The following ST18 variants were observed in gnomAD, a reference collection of about 807,000 sequenced individuals.
ST18 encodes suppression of tumorigenicity 18 protein.
In ST18, 50 loss-of-function variants were observed where a neutral mutation model predicts 110.0. The ratio of observed to expected loss-of-function variants is 0.45; its 90% CI spans 0.36 to 0.58. The LOEUF (loss-of-function observed/expected upper bound fraction) is 0.58, where lower values mean the gene tolerates loss of function less well. Ranked by LOEUF, ST18 falls within the 20% of genes least tolerant of loss-of-function variation. The pLI is 0.00. For missense variants in ST18, 1,306 were observed against 1,280.1 expected (o/e 1.02, Z -0.31); for synonymous variants, 461 against 452.4 (o/e 1.02, Z -0.24).
chr8:52,135,487 G>A (rs568541368), intron 19 of ST18, among the ~76,000 whole-genome samples: 9 of 150,276 alleles, frequency 6.0e-5, no homozygotes, highest in African/African-American at 2.2e-4. Context: ...TTGAACCTGG[G>A]AGGCGGAGGT....
intron 2 of ST18, among the ~76,000 whole-genome samples, chr8:52,363,117 C>T (rs1288394659): frequency 6.6e-6 from 1 of 152,098 alleles, no homozygotes; most frequent in Non-Finnish European, 1.5e-5. Context: ...GAGGCTGAGG[C>T]AGGAGAATGG....
At position 52,126,121 on chromosome 8, in the gene ST18, T is replaced by C. The variant is rs773360476; in HGVS notation, c.2686A>G (p.Asn896Asp). ...THRSLSGCPL[N>D]AQVIKKGKVS... ...TTGCCCTTTTTGATAACTTGTGCAT[T>C]GAGAGGACATCCAGATAAGCTGTGA... Residue 896 changes from asparagine (N) to aspartate (D), a missense_variant, in exon 23 of 26, where the codon AAT becomes GAT. Asn to Asp is a conservative substitution (Grantham distance 23). Coordinates refer to ENST00000689386, the MANE Select transcript of ST18 (RefSeq NM_001352837.2). 1 of 1,614,090 alleles carries C rather than the reference T, an allele frequency of 6.2e-7. No homozygotes were observed. The highest frequency in any genetic ancestry group is 8.5e-7 in the Non-Finnish European group (1 of 1,179,974).
chr8:52,154,634 T>C (rs2059590199), intron 15 of ST18: 1 of 152,172 alleles, frequency 6.6e-6, no homozygotes, highest in Admixed American at 6.5e-5. Context: ...AAAGGGGAGC[T>C]CTTTGGAGCT....
intron 2 of ST18, among the ~76,000 whole-genome samples, chr8:52,370,789 T>C (rs760191733): frequency 4.6e-5 from 7 of 152,132 alleles, no homozygotes; most frequent in Non-Finnish European, 1.0e-4. Context: ...TTGTCCTTCC[T>C]CTCTGAAGTT....
At chr8:52,268,470 TCTA>T (rs2138828708) in intron 2 of ST18, among the ~76,000 whole-genome samples, 1 of 67,962 alleles carries the variant, frequency 1.5e-5, no homozygotes, top group Non-Finnish European at 4.0e-5. Context: ...CTATCTATCA[TCTA>T]TCTATCTATC....
chr8:52,396,330 C>A (rs1841122763), intron 2 of ST18, among the ~76,000 whole-genome samples: 1 of 152,078 alleles, frequency 6.6e-6, no homozygotes, highest in Non-Finnish European at 1.5e-5. Flanking sequence ...TTTATTCTTT[C>A]TGTATGTATC....
chr8:52,139,948 T>C (rs905520837), intron 17 of ST18, among the ~76,000 whole-genome samples: 2 of 152,224 alleles, frequency 1.3e-5, no homozygotes, highest in African/African-American at 2.4e-5. Context: ...AGTTGGGTGA[T>C]ACATTTGTTT....
intron 2 of ST18, among the ~76,000 whole-genome samples, chr8:52,313,730 C>T (rs2095967542): frequency 6.6e-6 from 1 of 152,122 alleles, no homozygotes; most frequent in Non-Finnish European, 1.5e-5. Context: ...TGGGTAAGCA[C>T]TGAGACCAGC....
At chr8:52,310,569 C>G (rs990371109) in intron 2 of ST18, among the ~76,000 whole-genome samples, 2 of 151,942 alleles carry the variant, frequency 1.3e-5, no homozygotes, top group African/African-American at 4.8e-5. Context: ...AAATGCTGAA[C>G]AAAGAAATTT....
intron 2 of ST18, among the ~76,000 whole-genome samples, chr8:52,302,134 G>A (rs1589739227): frequency 6.6e-6 from 1 of 152,240 alleles, no homozygotes; most frequent in African/African-American, 2.4e-5. Context: ...AGAGGTTTGG[G>A]AGCGATGGGG....
At position 52,111,050 on chromosome 8, in the gene ST18, C is replaced by T; in HGVS notation, c.*2148G>A. ...AACATAGTTGAAAAGAAAACAAATT[C>T]AGTGCACATTACAAAACACATCAAG... is the stretch of plus-strand genomic sequence containing the variant. On this transcript the variant is annotated 3_prime_UTR_variant, in exon 26 of 26. Coordinates refer to ENST00000689386, the MANE Select transcript of ST18 (RefSeq NM_001352837.2). 2.5e-6 allele frequency: 1 copy of T among 398,636 alleles called. No homozygotes were observed. Among genetic ancestry groups the T allele is most frequent in the Non-Finnish European group, 4.4e-6 (1 of 225,878 alleles). 24.7% of individuals were successfully genotyped at this position (398,636 alleles called of 1,614,324 possible). A position where few individuals can be genotyped will look rare whatever the true frequency, so the allele number is the denominator to read the frequency against.
At position 52,162,880 on chromosome 8, in the gene ST18, T is replaced by G. The variant is rs557955780; in HGVS notation, c.1400+1106A>C. Among the ~76,000 whole-genome samples, 5 of 152,058 alleles carry G rather than the reference T, an allele frequency of 3.3e-5. No individual in the cohort carries two copies. The South Asian group carries it at 1.0e-3, about 32-fold the overall frequency. The stretch of plus-strand genomic sequence containing the variant: ...TCAGAATGCCAAAGTTTCCAATGAG[T>G]TTTTTTTGGATTAGATTTTACAAAA... On this transcript the variant is annotated intron_variant, in intron 13 of 25. Transcript: ENST00000689386.
chr8:52,305,254 T>C (rs1431908570), intron 2 of ST18, among the ~76,000 whole-genome samples: 3 of 152,196 alleles, frequency 2.0e-5, no homozygotes, highest in Non-Finnish European at 4.4e-5. Flanking sequence ...TGCCCTCCTT[T>C]GGAAAAAGCC....
intron 2 of ST18, among the ~76,000 whole-genome samples, chr8:52,359,077 G>C (rs548659329): frequency 2.4e-4 from 37 of 151,258 alleles, no homozygotes; most frequent in African/African-American, 8.0e-4. Context: ...CTCAATATGT[G>C]AACAATCAAT....
chr8:52,362,080 T>A (rs533247702), intron 2 of ST18, among the ~76,000 whole-genome samples: 144 of 152,326 alleles, frequency 9.5e-4, no homozygotes, highest in African/African-American at 3.3e-3. Flanking sequence ...GAGGGGGTTA[T>A]AAAATCAGCT....
intron 15 of ST18, among the ~76,000 whole-genome samples, chr8:52,152,511 C>T (rs2059071892): frequency 6.6e-6 from 1 of 152,170 alleles, no homozygotes; most frequent in South Asian, 2.1e-4. Flanking sequence ...CATGTTCTTT[C>T]CGACTTAGAG....
chr8:52,161,516 A>G lies in ST18; in HGVS notation c.1453T>C (p.Ser485Pro). The G allele has an allele frequency of 6.2e-7, 1 of 1,614,124 alleles. No individual in the cohort carries two copies. Among genetic ancestry groups the G allele is most frequent in the South Asian group, 1.1e-5 (1 of 91,074 alleles). ...TCTTTTGACACTGTGGCTCTGGGAGAGGTGATGGCTTGTGACGGGAAATTG... is the reference window on the plus strand; with the variant it reads ...TCTTTTGACACTGTGGCTCTGGGAGGGGTGATGGCTTGTGACGGGAAATTG... Reference protein sequence around the residue: ...EFNFPSQAITSPRATVSKEQE... With the variant: ...EFNFPSQAITPPRATVSKEQE... The change falls in exon 14 of 26, where the codon TCT (serine) becomes CCT (proline). Residue 485 changes from serine (S) to proline (P), a missense_variant. Physicochemically the swap from Ser to Pro is moderately conservative, Grantham distance 74 (BLOSUM62 -1). Transcript: ENST00000689386.
chr8:52,357,013 C>T lies in ST18; in HGVS notation c.-465+52315G>A, dbSNP rs147131346. On this transcript the variant is annotated intron_variant, in intron 2 of 25. Transcript: ENST00000689386. ...TGAAATAATCTGTACAACAAACCCC[C>T]ATGACACATATTTACCTATGTAACA... is the stretch of plus-strand genomic sequence containing the variant. Among the ~76,000 whole-genome samples, 14 of 152,166 alleles carry T rather than the reference C, an allele frequency of 9.2e-5. No individual in the cohort carries two copies. In the East Asian group the frequency reaches 2.3e-3, roughly 25 times the overall value.
At chr8:52,236,064 G>A (rs1400262979) in intron 2 of ST18, among the ~76,000 whole-genome samples, 1 of 152,148 alleles carries the variant, frequency 6.6e-6, no homozygotes, top group East Asian at 1.9e-4. Flanking sequence ...TTAAATAGTG[G>A]CAGTGGTGGG....
Sources: gnomAD v4.1 joint callset for allele counts (sites outside exome capture counted in the v4.1 genomes callset) on GRCh38, gnomAD v4.1.1 for gene constraint, MANE v1.5 for transcripts, NCBI Gene and HGNC (gene_info 2026-07-23, HGNC 2026-07-21) for gene names.